Variants in GALNTL6 observed in about 807,000 individuals in gnomAD.
GALNTL6 encodes the protein polypeptide N-acetylgalactosaminyltransferase like 6.
A neutral mutation model predicts 73.7 loss-of-function variants in GALNTL6; 46 were observed. That is an observed-to-expected ratio of 0.62 (90% CI 0.49 to 0.80). GALNTL6 has a LOEUF of 0.80. GALNTL6 is among the 30% of genes least tolerant of loss of function. The probability of loss-of-function intolerance (pLI) is 0.00; values close to 1 mark genes in which losing one functional copy is unlikely to be tolerated. For synonymous variants in GALNTL6, 259 were observed against 263.7 expected (o/e 0.98, Z 0.17); for missense variants, 604 against 755.0 (o/e 0.80, Z 2.34).
chr4:172,774,664 T>A (rs1026776409), intron 5 of GALNTL6, among the ~76,000 whole-genome samples: 8 of 152,168 alleles, frequency 5.3e-5, no homozygotes, highest in African/African-American at 9.7e-5. Context: ...GGTATTTTTT[T>A]AAAATGATCC....
chr4:172,913,001 C>A (rs542022392), intron 8 of GALNTL6, among the ~76,000 whole-genome samples: 1 of 152,254 alleles, frequency 6.6e-6, no homozygotes, highest in Admixed American at 6.5e-5. Flanking sequence ...AGCCGGGTAA[C>A]CCTGTGAGAC....
chr4:172,519,637 T>C (rs963676534), intron 5 of GALNTL6, among the ~76,000 whole-genome samples: 1 of 151,734 alleles, frequency 6.6e-6, no homozygotes, highest in East Asian at 1.9e-4. Context: ...TTTTACTTAA[T>C]TGAAATAGGA....
intron 2 of GALNTL6, among the ~76,000 whole-genome samples, chr4:172,126,673 T>C (rs140513922): frequency 1.3e-4 from 20 of 152,024 alleles, no homozygotes; most frequent in African/African-American, 4.8e-4. Context: ...GAGACTAACA[T>C]AGGAGGCTGC....
At chr4:172,561,934 G>A (rs886400437) in intron 5 of GALNTL6, among the ~76,000 whole-genome samples, 1 of 152,142 alleles carries the variant, frequency 6.6e-6, no homozygotes, top group African/African-American at 2.4e-5. Context: ...GTAATAAGAA[G>A]TATAGGTGTT....
At chr4:172,250,493 T>C (rs1737821730) in intron 3 of GALNTL6, among the ~76,000 whole-genome samples, 1 of 152,124 alleles carries the variant, frequency 6.6e-6, no homozygotes, top group African/African-American at 2.4e-5. Context: ...GGTTTTGCTG[T>C]GCTCCCACCC....
In GALNTL6 at chr4:172,140,918, C is replaced by T. The variant is rs563343796; in HGVS notation, c.139-88738C>T. ...AAAGTAATGTATGAATATTCTATGT[C>T]ATTACCAAAAATATAAAAGAAACCT... On this transcript the variant is annotated intron_variant, in intron 2 of 12. Coordinates refer to ENST00000506823, the MANE Select transcript of GALNTL6 (RefSeq NM_001034845.3). 5.8e-4 allele frequency among the ~76,000 whole-genome samples: 88 copies of T among 152,044 alleles called. No homozygotes were observed. In the Middle Eastern group the frequency reaches 0.01, roughly 18 times the overall value.
Position 172,356,032 on chromosome 4 carries a change from A to G in GALNTL6, c.553+7343A>G, listed in dbSNP as rs1043795949. ...TTGGATAAGCTGCTCTGACTTTCCA[A>G]CTGCTTTTTGTGTAGGAAAATTCCA... On this transcript the variant is annotated intron_variant, in intron 5 of 12. Coordinates refer to ENST00000506823, the MANE Select transcript of GALNTL6 (RefSeq NM_001034845.3). 4.6e-5 allele frequency among the ~76,000 whole-genome samples: 7 copies of G among 152,172 alleles called. No individual in the cohort carries two copies. The East Asian group carries it at 5.8e-4, about 13-fold the overall frequency.
intron 5 of GALNTL6, among the ~76,000 whole-genome samples, chr4:172,386,544 C>T (rs549470053): frequency 2.6e-5 from 4 of 152,256 alleles, no homozygotes; most frequent in African/African-American, 7.2e-5. Context: ...TAGGGCAATT[C>T]TCTCACTCAA....
At chr4:171,974,168 CT>C (rs111978277) in intron 2 of GALNTL6, among the ~76,000 whole-genome samples, 91 of 148,674 alleles carry the variant, frequency 6.1e-4, no homozygotes, top group Non-Finnish European at 1.1e-3. Context: ...CCCAGCTAAC[CT>C]TTTTTTTTTC....
intron 2 of GALNTL6, among the ~76,000 whole-genome samples, chr4:171,914,978 ATT>A (rs1398262779): frequency 1.3e-5 from 2 of 151,774 alleles, no homozygotes; most frequent in Non-Finnish European, 2.9e-5. Flanking sequence ...ATATATAAAT[ATT>A]TCTGTATCTA....
chr4:172,990,386 A>G (rs1010826050), intron 10 of GALNTL6, among the ~76,000 whole-genome samples: 4 of 152,212 alleles, frequency 2.6e-5, no homozygotes, highest in African/African-American at 9.6e-5. Flanking sequence ...AGCTCAAAAG[A>G]AAAAGTTTTC....
chr4:172,424,498 T>C (rs957628187), intron 5 of GALNTL6, among the ~76,000 whole-genome samples: 4 of 152,074 alleles, frequency 2.6e-5, no homozygotes, highest in African/African-American at 9.7e-5. Context: ...CTAACTATTA[T>C]AAAAAATAAA....
intron 12 of GALNTL6, among the ~76,000 whole-genome samples, chr4:173,030,050 A>C (rs1479235423): frequency 6.6e-6 from 1 of 152,202 alleles, no homozygotes; most frequent in Admixed American, 6.5e-5. Flanking sequence ...ACCGTTCTCC[A>C]GCTTGCCCAT....
chr4:172,665,788 GTTAC>G (rs1435955613), intron 5 of GALNTL6, among the ~76,000 whole-genome samples: 1 of 152,030 alleles, frequency 6.6e-6, no homozygotes, highest in Non-Finnish European at 1.5e-5. Flanking sequence ...TTATTTCTAT[GTTAC>G]TTGTTTCTAT....
intron 3 of GALNTL6, among the ~76,000 whole-genome samples, chr4:172,288,391 G>A (rs981519059): frequency 3.9e-5 from 6 of 151,982 alleles, no homozygotes; most frequent in Non-Finnish European, 7.4e-5. Flanking sequence ...GCGCCTGGCC[G>A]AATTGATTTT....
Position 172,071,016 on chromosome 4 carries a change from T to C in GALNTL6, c.139-158640T>C, listed in dbSNP as rs180791892. Among the ~76,000 whole-genome samples the C allele has an allele frequency of 2.7e-5, 3 of 110,188 alleles. No individual in the cohort carries two copies. In the East Asian group the frequency reaches 6.3e-4, roughly 23 times the overall value. 72.3% of individuals were successfully genotyped at this position (110,188 alleles called of 152,430 possible). ...AAACTTATTTAATCACAGAAGGTTT[T>C]ACACATGTAATACATTTTGAAAACA... is the stretch of plus-strand genomic sequence containing the variant. On this transcript the variant is annotated intron_variant, in intron 2 of 12. Coordinates refer to ENST00000506823, the MANE Select transcript of GALNTL6 (RefSeq NM_001034845.3).
At chr4:172,079,749 C>A (rs1285197754) in intron 2 of GALNTL6, among the ~76,000 whole-genome samples, 1 of 151,726 alleles carries the variant, frequency 6.6e-6, no homozygotes, top group Admixed American at 6.6e-5. Flanking sequence ...TCTTATTTTT[C>A]TACTGAAATA....
intron 5 of GALNTL6, among the ~76,000 whole-genome samples, chr4:172,532,048 G>A (rs1322917416): frequency 6.6e-6 from 1 of 152,296 alleles, no homozygotes; most frequent in South Asian, 2.1e-4. Context: ...TGCGGCTGAC[G>A]TGGGTAGATT....
intron 5 of GALNTL6, among the ~76,000 whole-genome samples, chr4:172,443,587 C>T (rs1731917529): frequency 6.6e-6 from 1 of 151,808 alleles, no homozygotes; most frequent in African/African-American, 2.4e-5. Flanking sequence ...ATATTATAGC[C>T]CCTTTTTATA....
Sources: allele counts gnomAD v4.1 joint callset (sites outside exome capture counted in the v4.1 genomes callset), GRCh38; gene constraint gnomAD v4.1.1; transcripts MANE v1.5; gene names NCBI Gene and HGNC (gene_info 2026-07-23, HGNC 2026-07-21).